Variants in NLRP3 observed in about 807,000 individuals in gnomAD.
The protein encoded by NLRP3 is NLR family pyrin domain containing 3.
Under a neutral mutation model 91.3 loss-of-function variants are expected in NLRP3, and 48 were observed. The ratio of observed to expected loss-of-function variants is 0.53; its 90% CI spans 0.42 to 0.67. NLRP3 has a LOEUF of 0.67. Among genes scored for constraint, NLRP3 ranks in the 30% least tolerant of loss-of-function variants. The pLI is 0.00. For missense variants in NLRP3, 982 were observed against 1,276.9 expected (o/e 0.77, Z 3.52); for synonymous variants, 561 against 507.9 (o/e 1.10, Z -1.41).
intron 7 of NLRP3, among the ~76,000 whole-genome samples, chr1:247,443,380 G>T (rs1473127747): frequency 2.6e-5 from 4 of 152,226 alleles, no homozygotes; most frequent in Non-Finnish European, 4.4e-5. Context: ...CGAGAAAGAT[G>T]TGAAAGGGGC....
rs1203570708 is a variant in NLRP3, at chr1:247,418,076, T to C, written c.-725T>C. On this transcript the variant is annotated 5_prime_UTR_variant, in exon 2 of 10. Coordinates refer to ENST00000336119, the MANE Select transcript of NLRP3 (RefSeq NM_001243133.2). ...AGATGAGGAAACTGAAGTTGAGGAA[T>C]AGTGAAGAGTTTGTCCAATGTCATA... 6.6e-6 allele frequency: 1 copy of C among 152,374 alleles called. No homozygotes were observed. Among genetic ancestry groups the C allele is most frequent in the East Asian group, 1.9e-4 (1 of 5,340 alleles). 9.4% of individuals were successfully genotyped at this position (152,374 alleles called of 1,614,324 possible).
intron 6 of NLRP3, among the ~76,000 whole-genome samples, chr1:247,434,479 C>A (rs1663642639): frequency 6.6e-6 from 1 of 152,070 alleles, no homozygotes. Context: ...TGACAAGGAG[C>A]ATAAATAATA....
chr1:247,435,253 A>G (rs944314189), intron 6 of NLRP3, among the ~76,000 whole-genome samples: 3 of 152,178 alleles, frequency 2.0e-5, no homozygotes, highest in African/African-American at 7.2e-5. Flanking sequence ...TAAAAAAAAC[A>G]GAAGGCAGGA....
In NLRP3 at chr1:247,444,032, T is replaced by G. The variant is rs773266606; in HGVS notation, c.2724T>G (p.Thr908=). ...CCSALSSVLS[T]NQNLTHLYLR... ...CAGCTTTGTCCTCGGTACTCAGCACTAATCAGAATCTCACGCACCTTTACC... is the reference window on the plus strand; with the variant it reads ...CAGCTTTGTCCTCGGTACTCAGCACGAATCAGAATCTCACGCACCTTTACC... Residue 908 remains threonine, a synonymous_variant, in exon 8 of 10, where the codon ACT becomes ACG. Transcript: ENST00000336119. 2 of 1,614,208 alleles carry G rather than the reference T, an allele frequency of 1.2e-6. No homozygotes were observed. The highest frequency in any genetic ancestry group is 4.5e-5 in the East Asian group (2 of 44,882).
intron 9 of NLRP3, among the ~76,000 whole-genome samples, chr1:247,447,641 G>A (rs1169242689): frequency 7.0e-6 from 1 of 142,532 alleles, no homozygotes; most frequent in Non-Finnish European, 1.5e-5. Context: ...GATCAGGTTA[G>A]TGACTAAATG....
Position 247,424,177 on chromosome 1 carries a change from C to T in NLRP3, c.728C>T (p.Ser243Leu), listed in dbSNP as rs1572168591. 1.3e-5 allele frequency: 21 copies of T among 1,613,940 alleles called. No individual in the cohort carries two copies. Among genetic ancestry groups the T allele is most frequent in the East Asian group, 8.9e-5 (4 of 44,866 alleles). ...AGGAAGATGATGTTGGACTGGGCGTCGGGGACACTCTACCAAGACAGGTTT... is the reference window on the plus strand; with the variant it reads ...AGGAAGATGATGTTGGACTGGGCGTTGGGGACACTCTACCAAGACAGGTTT... ...LARKMMLDWA[S>L]GTLYQDRFDY... Residue 243 changes from serine (S) to leucine (L), a missense_variant, in exon 4 of 10, where the codon TCG (serine) becomes TTG (leucine). Around this residue, in one of 5 missense-constraint regions of NLRP3, gnomAD observed 548 missense variants for 713.7 expected, o/e 0.77. Transcript: ENST00000336119. The surrounding 1 kb of genome is among the most constrained non-coding windows in gnomAD (Gnocchi z 8.1).
chr1:247,423,635 G>A (rs1020054840), intron 3 of NLRP3, among the ~76,000 whole-genome samples: 4 of 152,076 alleles, frequency 2.6e-5, no homozygotes, highest in Admixed American at 2.6e-4. Flanking sequence ...TGGGCTGGTA[G>A]CTACACATAG....
At chr1:247,431,476 C>T (rs963713964) in intron 5 of NLRP3, among the ~76,000 whole-genome samples, 2 of 152,192 alleles carry the variant, frequency 1.3e-5, no homozygotes, top group Admixed American at 1.3e-4. Flanking sequence ...TTTTCCTCGT[C>T]CTCACCCCAC....
chr1:247,445,493 C>T (rs922182079), intron 9 of NLRP3, among the ~76,000 whole-genome samples: 28 of 152,290 alleles, frequency 1.8e-4, no homozygotes, highest in African/African-American at 6.5e-4. Context: ...AGCCTCCGTG[C>T]CTGGCGGTTT....
chr1:247,430,544 G>A (rs968643916), intron 5 of NLRP3, among the ~76,000 whole-genome samples: 3 of 151,924 alleles, frequency 2.0e-5, no homozygotes, highest in African/African-American at 4.8e-5. Context: ...GTAAATTTTT[G>A]GGGGGGCACA....
Position 247,436,007 on chromosome 1 carries a change from G to A in NLRP3, c.2530G>A (p.Asp844Asn). The A allele has an allele frequency of 1.2e-6, 2 of 1,614,132 alleles. No individual in the cohort carries two copies. The highest frequency in any genetic ancestry group is 2.2e-5 in the South Asian group (2 of 91,084). The change falls in exon 7 of 10, where the codon GAT becomes AAT. Residue 844 changes from aspartate (D) to asparagine (N), a missense_variant. This residue lies in a region of NLRP3 where 373 missense variants were observed against 431.5 expected (regional missense o/e 0.86). Coordinates refer to ENST00000336119, the MANE Select transcript of NLRP3 (RefSeq NM_001243133.2). ...SCCLTSACCQ[D>N]LASVLSTSHS... ...CTGCCTCACATCAGCATGTTGTCAG[G>A]ATCTTGCATCAGTATTGAGCACCAG...
At chr1:247,443,855 TG>T (rs1664409218) in intron 7 of NLRP3, 116 bp from the exon 8 acceptor site, 2 of 963,132 alleles carry the variant, frequency 2.1e-6, no homozygotes. Flanking sequence ...TGCTGGCTCC[TG>T]CTCTCTGAGC....
Position 247,418,287 on chromosome 1 carries a change from T to C in NLRP3, c.-514T>C, listed in dbSNP as rs1343464339. 1 of 208,980 alleles carries C rather than the reference T, an allele frequency of 4.8e-6. No homozygotes were observed. The highest frequency in any genetic ancestry group is 5.3e-5 in the Admixed American group (1 of 18,874). 12.9% of individuals were successfully genotyped at this position (208,980 alleles called of 1,614,324 possible). The stretch of plus-strand genomic sequence containing the variant: ...CTGGATCGAGCCAACAGGAGAACTT[T>C]CTGGTAAGCATTTGGCTAACTTTTT... On this transcript the variant is annotated 5_prime_UTR_variant, in exon 2 of 10. Transcript: ENST00000336119.
Position 247,425,386 on chromosome 1 carries a change from A to C in NLRP3, c.1937A>C (p.Asp646Ala). Reference protein sequence around the residue: ...QEEDFVQRAMDYFPKIEINLS... With the variant: ...QEEDFVQRAMAYFPKIEINLS... Reference sequence around the variant, plus strand: ...GAGGACTTCGTGCAAAGGGCCATGGACTATTTCCCCAAGATTGAGATCAAT... The same window carrying C: ...GAGGACTTCGTGCAAAGGGCCATGGCCTATTTCCCCAAGATTGAGATCAAT... Residue 646 changes from aspartate (D) to alanine (A), a missense_variant, in exon 4 of 10, where the codon GAC becomes GCC. Around this residue, in one of 5 missense-constraint regions of NLRP3, gnomAD observed 373 missense variants for 431.5 expected, o/e 0.86. Coordinates refer to ENST00000336119, the MANE Select transcript of NLRP3 (RefSeq NM_001243133.2). This position sits in a 1 kb window ranked among gnomAD's most constrained non-coding sequence, Gnocchi z 4.1. The C allele has an allele frequency of 6.2e-7, 1 of 1,614,186 alleles. No homozygotes were observed. The highest frequency in any genetic ancestry group is 8.5e-7 in the Non-Finnish European group (1 of 1,180,030).
rs1662674602 is a variant in NLRP3 at position 247,424,072 on chromosome 1, A to G, written c.623A>G (p.Asp208Gly). Residue 208 changes from aspartate to glycine, a missense_variant, in exon 4 of 10, where the codon GAC becomes GGC. Asp to Gly is a moderately conservative substitution (Grantham distance 94, BLOSUM62 -1). Around this residue, in one of 5 missense-constraint regions of NLRP3, gnomAD observed 548 missense variants for 713.7 expected, o/e 0.77. Coordinates refer to ENST00000336119, the MANE Select transcript of NLRP3 (RefSeq NM_001243133.2). This position sits in a 1 kb window ranked among gnomAD's most constrained non-coding sequence, Gnocchi z 8.1. Reference sequence around the variant, plus strand: ...CCCATTAAGATGGAGTTGCTGTTTGACCCCGATGATGAGCATTCTGAGCCT... The same window carrying G: ...CCCATTAAGATGGAGTTGCTGTTTGGCCCCGATGATGAGCATTCTGAGCCT... The part of the protein sequence containing the change: ...VSPIKMELLF[D>G]PDDEHSEPVH... 1 of 1,613,484 alleles carries G rather than the reference A, an allele frequency of 6.2e-7. No homozygotes were observed. The highest frequency in any genetic ancestry group is 8.5e-7 in the Non-Finnish European group (1 of 1,179,916).
Position 247,418,701 on chromosome 1 carries a change from G to T in NLRP3, c.-100G>T. The T allele has an allele frequency of 7.1e-7, 1 of 1,401,586 alleles. No individual in the cohort carries two copies. The highest frequency in any genetic ancestry group is 1.4e-5 in the African/African-American group (1 of 70,696). 86.8% of individuals were successfully genotyped at this position (1,401,586 alleles called of 1,614,324 possible). A position where few individuals can be genotyped will look rare whatever the true frequency, so the allele number is the denominator to read the frequency against. On this transcript the variant is annotated 5_prime_UTR_variant, in exon 2 of 10. Transcript: ENST00000336119. ...TTTTTGATAATTTATATCTCTCAAA[G>T]TGGAGACTTTAAAAAAGACTCATCC...
In NLRP3 at chr1:247,437,780, A is replaced by G. The variant is rs745980339; in HGVS notation, c.2663+1640A>G. On this transcript the variant is annotated intron_variant, in intron 7 of 9. Transcript: ENST00000336119. ...AAGAGCTATAAGAAAAACTGGAGTG[A>G]CGGCGAGGGGTGCTTCTCTGCTCAC... Among the ~76,000 whole-genome samples the G allele has an allele frequency of 4.1e-4, 62 of 152,250 alleles. 2 individuals carry two copies. Among genetic ancestry groups the G allele is most frequent in the Non-Finnish European group, 2.9e-5 (2 of 68,036 alleles).
At chr1:247,419,563 A>C (rs1051592946) in intron 2 of NLRP3, among the ~76,000 whole-genome samples, 5 of 152,194 alleles carry the variant, frequency 3.3e-5, no homozygotes, top group African/African-American at 1.2e-4. Flanking sequence ...CACCCATTGA[A>C]TGATAACTCC....
Position 247,425,188 on chromosome 1 carries a change from G to T in NLRP3, c.1739G>T (p.Gly580Val). 3 of 1,614,120 alleles carry T rather than the reference G, an allele frequency of 1.9e-6. 1 individual carries two copies. The South Asian group carries it at 3.3e-5, about 18-fold the overall frequency. ...ATTTTTGTTGTACGTTTCCTCTTTG[G>T]CCTGGTAAACCAGGAGAGGACCTCC... Reference protein sequence around the residue: ...YLIFVVRFLFGLVNQERTSYL... With the variant: ...YLIFVVRFLFVLVNQERTSYL... Residue 580 changes from glycine to valine, a missense_variant, in exon 4 of 10, where the codon GGC becomes GTC. Gly to Val is a moderately radical substitution (Grantham distance 109). Transcript: ENST00000336119. This position sits in a 1 kb window ranked among gnomAD's most constrained non-coding sequence, Gnocchi z 4.1.
Sources: gnomAD v4.1 joint callset for allele counts (sites outside exome capture counted in the v4.1 genomes callset) on GRCh38, gnomAD v4.1.1 for gene constraint, gnomAD v4.1.1 regional missense constraint, Gnocchi (gnomAD v3.1) non-coding constraint, MANE v1.5 for transcripts, NCBI Gene and HGNC (gene_info 2026-07-23, HGNC 2026-07-21) for gene names.